EP400: variants seen among roughly 807,000 people sequenced by gnomAD.
EP400 encodes the protein E1A binding protein p400, also known as E1A-binding protein p400.
A neutral mutation model predicts 354.1 loss-of-function variants in EP400; 105 were observed. The observed-to-expected ratio is 0.30, with a 90% CI of 0.25 to 0.35. The LOEUF (loss-of-function observed/expected upper bound fraction) is 0.35. Among genes scored for constraint, EP400 ranks in the 10% least tolerant of loss-of-function variants. The pLI is 1.00. For synonymous variants in EP400, 1,646 were observed against 1,716.9 expected, an observed-to-expected ratio of 0.96 and a Z score of 1.02; for missense variants, 3,280 against 4,121.0, an observed-to-expected ratio of 0.80 and a Z score of 5.59.
At chr12:131,961,998 G>C (rs1213344851) in intron 2 of EP400, 44 bp downstream of exon 2, 7 of 1,562,064 alleles carry the variant, frequency 4.5e-6, no homozygotes, top group African/African-American at 1.4e-5. Flanking sequence ...TCTTCTAGAT[G>C]ATCAGAGTCT....
chr12:132,001,006 C>G (rs1893389507), intron 12 of EP400, among the ~76,000 whole-genome samples: 1 of 152,148 alleles, frequency 6.6e-6, no homozygotes, highest in African/African-American at 2.4e-5. Flanking sequence ...GCTGATGGTA[C>G]ATTGTTTCCT....
chr12:132,032,036 T>G lies in EP400; in HGVS notation c.5838T>G (p.Leu1946=), dbSNP rs748684899. The G allele has an allele frequency of 6.2e-7, 1 of 1,614,228 alleles. No homozygotes were observed. Among genetic ancestry groups the G allele is most frequent in the Non-Finnish European group, 8.5e-7 (1 of 1,180,040 alleles). ...ACAGCCGTACCACAGGTATAAACCT[T>G]GTAGAGGCGGACACCGTCGTGTTTT... is the stretch of plus-strand genomic sequence containing the variant. ...STHSRTTGIN[L]VEADTVVFYD... The change falls in exon 30 of 53, where the codon CTT becomes CTG. Residue 1946 remains leucine, a synonymous_variant. Transcript: ENST00000389561.
Position 132,029,384 on chromosome 12 carries a change from T to G in EP400, c.5382-317T>G. 2.4e-6 allele frequency: 1 copy of G among 419,968 alleles called. No individual in the cohort carries two copies. Among genetic ancestry groups the G allele is most frequent in the Non-Finnish European group, 4.3e-6 (1 of 231,750 alleles). 26.0% of individuals were successfully genotyped at this position (419,968 alleles called of 1,614,324 possible). ...GCACCTTTGTCCCAAAGTTTCCAGC[T>G]GAAGACACACTAGAAAGAGAATGGC... is the stretch of plus-strand genomic sequence containing the variant. On this transcript the variant is annotated intron_variant, in intron 27 of 52. Coordinates refer to ENST00000389561, the MANE Select transcript of EP400 (RefSeq NM_015409.5). This position sits in a 1 kb window ranked among gnomAD's most constrained non-coding sequence, Gnocchi z 4.7.
chr12:132,006,148 A>G lies in EP400; in HGVS notation c.2972A>G (p.Lys991Arg). ...DDCPGDRESR[K>R]DLVLIDSLFI... ...TGTCCAGGCGACAGGGAGAGTCGCA[A>G]GGACTTGGTTCTCATCGACTCGCTT... The change falls in exon 14 of 53, where the codon AAG (lysine) becomes AGG (arginine). Residue 991 changes from lysine to arginine, a missense_variant. Around this residue, in one of 20 missense-constraint regions of EP400, gnomAD observed 800 missense variants for 840.0 expected, o/e 0.95. Coordinates refer to ENST00000389561, the MANE Select transcript of EP400 (RefSeq NM_015409.5). The G allele has an allele frequency of 6.2e-7, 1 of 1,614,214 alleles. No individual in the cohort carries two copies. Among genetic ancestry groups the G allele is most frequent in the South Asian group, 1.1e-5 (1 of 91,086 alleles).
Position 132,030,232 on chromosome 12 carries a change from T to A in EP400, c.5754+74T>A, listed in dbSNP as rs1565921949. ...TTGAATGCCTAAGTGCTGTGTAAAT[T>A]CAGTGGTCTCATGGCCCTTCTAAGT... is the stretch of plus-strand genomic sequence containing the variant. On this transcript the variant is annotated intron_variant, in intron 29 of 52. Transcript: ENST00000389561. The A allele has an allele frequency of 2.6e-6, 4 of 1,537,178 alleles. No individual in the cohort carries two copies. The African/African-American group carries it at 5.5e-5, about 21-fold the overall frequency.
Position 132,050,391 on chromosome 12 carries a change from G to A in EP400, c.7269G>A (p.Gln2423=), listed in dbSNP as rs545938073. The A allele has an allele frequency of 7.9e-5, 127 of 1,614,140 alleles. No individual in the cohort carries two copies. In the South Asian group the frequency reaches 1.3e-3, roughly 17 times the overall value. The change falls in exon 40 of 53, where the codon CAG becomes CAA. Residue 2423 remains glutamine, a synonymous_variant. Coordinates refer to ENST00000389561, the MANE Select transcript of EP400 (RefSeq NM_015409.5). This position sits in a 1 kb window ranked among gnomAD's most constrained non-coding sequence, Gnocchi z 4.8. ...AGGATGAGAATGCCACACACACCCA[G>A]CTGTACACGAGCCACTTTGACTTAA... ...YAQDENATHT[Q]LYTSHFDLMK...
Position 132,035,980 on chromosome 12 carries a change from G to T in EP400, c.5952-1702G>T, listed in dbSNP as rs1463987132. On this transcript the variant is annotated intron_variant, in intron 30 of 52. Transcript: ENST00000389561. ...CAGCATCGTGGAACGACACACCCAG[G>T]TTCACACGGAACGTCATGGAAGGGC... 2.1e-5 allele frequency among the ~76,000 whole-genome samples: 3 copies of T among 143,502 alleles called. No individual in the cohort carries two copies. In the East Asian group the frequency reaches 6.5e-4, roughly 31 times the overall value. The allele number at this position is 143,502 out of a possible 152,430, so 94.1% of individuals were successfully genotyped here. A position where few individuals can be genotyped will look rare whatever the true frequency, so the allele number is the denominator to read the frequency against.
chr12:132,023,359 T>C (rs2136545707), intron 23 of EP400, among the ~76,000 whole-genome samples: 1 of 146,684 alleles, frequency 6.8e-6, no homozygotes, highest in East Asian at 2.0e-4. Flanking sequence ...TTTCACCCTG[T>C]TGTCCAGGCT....
At chr12:131,951,687 T>A (rs1469645850) in intron 1 of EP400, among the ~76,000 whole-genome samples, 1 of 151,116 alleles carries the variant, frequency 6.6e-6, no homozygotes. Flanking sequence ...CTGCAACCTC[T>A]GCCTGCCAGA....
At chr12:131,986,255 T>A (rs7954552) in intron 5 of EP400, among the ~76,000 whole-genome samples, 48,022 of 152,206 alleles carry the variant, frequency 0.32, 13,776 homozygotes, top group African/African-American at 0.77. Flanking sequence ...TTGGGATTAC[T>A]GGCATGAGCC....
intron 12 of EP400, among the ~76,000 whole-genome samples, chr12:131,999,494 A>G (rs189955209): frequency 6.6e-6 from 1 of 152,302 alleles, no homozygotes; most frequent in East Asian, 1.9e-4. Flanking sequence ...GCTGGAGTGC[A>G]GTGGCACGAT....
intron 19 of EP400, 128 bp downstream of exon 19, chr12:132,014,041 C>A: frequency 7.7e-7 from 1 of 1,301,592 alleles, no homozygotes; most frequent in Non-Finnish European, 1.1e-6. Flanking sequence ...GAGACCGAGG[C>A]ACCCTCCTGG....
chr12:132,046,295 G>A (rs1402516067), intron 39 of EP400, among the ~76,000 whole-genome samples: 1 of 152,088 alleles, frequency 6.6e-6, no homozygotes, highest in Non-Finnish European at 1.5e-5. Flanking sequence ...AAGACCTCTC[G>A]CTTGGTTTTG....
At chr12:132,001,589 C>T (rs1893417118) in intron 12 of EP400, among the ~76,000 whole-genome samples, 1 of 152,138 alleles carries the variant, frequency 6.6e-6, no homozygotes, top group African/African-American at 2.4e-5. Flanking sequence ...AGAGTCTTCT[C>T]TAAACTCCCC....
At chr12:132,051,554 G>A (rs1895289607) in intron 41 of EP400, among the ~76,000 whole-genome samples, 1 of 152,188 alleles carries the variant, frequency 6.6e-6, no homozygotes, top group Non-Finnish European at 1.5e-5. Flanking sequence ...AGCCGAGGTA[G>A]AGAGAGAAGG....
chr12:132,062,966 T>G (rs1895757747), intron 47 of EP400, among the ~76,000 whole-genome samples: 1 of 152,254 alleles, frequency 6.6e-6, no homozygotes, highest in Non-Finnish European at 1.5e-5. Flanking sequence ...GTCTTCTTGC[T>G]TAGGCGTCTT....
chr12:132,020,046 T>C lies in EP400; in HGVS notation c.4278-3T>C. 1.3e-6 allele frequency: 2 copies of C among 1,532,034 alleles called. No individual in the cohort carries two copies. Among genetic ancestry groups the C allele is most frequent in the South Asian group, 2.5e-5 (2 of 80,674 alleles). 94.9% of individuals were successfully genotyped at this position (1,532,034 alleles called of 1,614,324 possible). On this transcript the variant is annotated splice_region_variant and splice_polypyrimidine_tract_variant and intron_variant, in intron 21 of 52. Transcript: ENST00000389561. Reference sequence around the variant, plus strand: ...CTTCTTGCCTGGACCAATGGGCATCTAGGTTGTTTCAGCCTGTGCAGTATG... The same window carrying C: ...CTTCTTGCCTGGACCAATGGGCATCCAGGTTGTTTCAGCCTGTGCAGTATG...
chr12:132,020,015 C>T, intron 21 of EP400, 34 bp from the exon 22 acceptor site: 1 of 1,488,890 alleles, frequency 6.7e-7, no homozygotes, highest in Non-Finnish European at 9.0e-7. Context: ...GTCTGATGCT[C>T]TGTATCTTCT....
At chr12:132,033,657 A>T (rs568784189) in intron 30 of EP400, among the ~76,000 whole-genome samples, 7 of 151,426 alleles carry the variant, frequency 4.6e-5, no homozygotes, top group African/African-American at 1.5e-4. Flanking sequence ...TCAGCCTCCC[A>T]AGTGGCTGGG....
Sources: gnomAD v4.1 joint callset for allele counts (sites outside exome capture counted in the v4.1 genomes callset) on GRCh38, gnomAD v4.1.1 for gene constraint, gnomAD v4.1.1 regional missense constraint, Gnocchi (gnomAD v3.1) non-coding constraint, MANE v1.5 for transcripts, NCBI Gene and HGNC (gene_info 2026-07-23, HGNC 2026-07-21) for gene names.